Variants in SIPA1L1 observed in about 807,000 individuals in gnomAD.
The protein encoded by SIPA1L1 is signal induced proliferation associated 1 like 1, also known as signal-induced proliferation-associated 1-like protein 1.
In SIPA1L1, 26 loss-of-function variants were observed where a neutral mutation model predicts 162.7. That is an observed-to-expected ratio of 0.16 (90% CI 0.12 to 0.22). SIPA1L1 has a LOEUF of 0.22. Ranked by LOEUF, SIPA1L1 falls within the 10% of genes least tolerant of loss-of-function variation. The pLI, the probability that SIPA1L1 is intolerant of heterozygous loss-of-function variation, is 1.00. For missense variants in SIPA1L1, 1,874 were observed against 2,241.0 expected, an observed-to-expected ratio of 0.84 and a Z score of 3.31; for synonymous variants, 829 against 837.4, an observed-to-expected ratio of 0.99 and a Z score of 0.17.
At chr14:71,700,578 A>G (rs914764870) in intron 14 of SIPA1L1, among the ~76,000 whole-genome samples, 1 of 152,226 alleles carries the variant, frequency 6.6e-6, no homozygotes, top group Non-Finnish European at 1.5e-5. Flanking sequence ...GTTTTCATAA[A>G]TCAAGGTTTT....
chr14:71,564,777 C>T (rs2030003645), intron 4 of SIPA1L1, among the ~76,000 whole-genome samples: 1 of 152,182 alleles, frequency 6.6e-6, no homozygotes, highest in Admixed American at 6.5e-5. Flanking sequence ...GAGTGAGCCA[C>T]CACGCCCGGC....
intron 13 of SIPA1L1, among the ~76,000 whole-genome samples, chr14:71,693,368 G>A (rs529651551): frequency 1.3e-5 from 2 of 152,072 alleles, no homozygotes; most frequent in African/African-American, 4.8e-5. Context: ...GTGTGGTGGC[G>A]GGTGCCTGTA....
chr14:71,504,997 A>G lies in SIPA1L1; in HGVS notation c.-464-7746A>G, dbSNP rs796646298. Among the ~76,000 whole-genome samples, 105 of 152,292 alleles carry G rather than the reference A, an allele frequency of 6.9e-4. 1 individual carries two copies. The highest frequency in any genetic ancestry group is 2.5e-3 in the African/African-American group (103 of 41,566). On this transcript the variant is annotated intron_variant, in intron 2 of 23. Coordinates refer to ENST00000381232, the MANE Select transcript of SIPA1L1 (RefSeq NM_001386936.1). ...GCAATGAAAAGCCATGTTGTGCTTC[A>G]TGTAACCTGAGTTCTTGTGTTATGT... is the stretch of plus-strand genomic sequence containing the variant.
intron 2 of SIPA1L1, among the ~76,000 whole-genome samples, chr14:71,451,952 A>T (rs2045859452): frequency 1.3e-5 from 2 of 152,216 alleles, no homozygotes; most frequent in Admixed American, 1.3e-4. Flanking sequence ...TTCGTGAACA[A>T]AACACCACTC....
At chr14:71,509,035 G>T (rs1365055597) in intron 2 of SIPA1L1, among the ~76,000 whole-genome samples, 2 of 152,182 alleles carry the variant, frequency 1.3e-5, no homozygotes, top group Admixed American at 1.3e-4. Flanking sequence ...GCTTCTCCCA[G>T]AATCGGCTGA....
At chr14:71,457,509 A>G (rs777038720) in intron 2 of SIPA1L1, among the ~76,000 whole-genome samples, 11 of 151,486 alleles carry the variant, frequency 7.3e-5, no homozygotes, top group Non-Finnish European at 1.5e-4. Flanking sequence ...ATATTGGCCA[A>G]GCTGGTCTTG....
At chr14:71,473,969 G>C (rs1315951019) in intron 2 of SIPA1L1, among the ~76,000 whole-genome samples, 2 of 152,150 alleles carry the variant, frequency 1.3e-5, no homozygotes, top group East Asian at 3.8e-4. Context: ...GTCCTATTTT[G>C]AATGCAGCTA....
At chr14:71,435,421 C>G (rs547868103) in intron 2 of SIPA1L1, among the ~76,000 whole-genome samples, 1 of 152,030 alleles carries the variant, frequency 6.6e-6, no homozygotes, top group Non-Finnish European at 1.5e-5. Context: ...TGAGAACATG[C>G]GGTGTTTGGT....
chr14:71,644,901 A>G (rs1185691291), intron 7 of SIPA1L1, among the ~76,000 whole-genome samples: 1 of 152,144 alleles, frequency 6.6e-6, no homozygotes, highest in East Asian at 1.9e-4. Flanking sequence ...GAAAATAGTG[A>G]TTTTAGTTAG....
chr14:71,431,748 T>G (rs2044008244), intron 2 of SIPA1L1, among the ~76,000 whole-genome samples: 1 of 152,134 alleles, frequency 6.6e-6, no homozygotes, highest in Non-Finnish European at 1.5e-5. Flanking sequence ...TTGGACTTCA[T>G]AATCCTTAAC....
intron 4 of SIPA1L1, among the ~76,000 whole-genome samples, chr14:71,550,966 A>G (rs911438599): frequency 3.9e-5 from 6 of 151,956 alleles, no homozygotes; most frequent in Non-Finnish European, 7.4e-5. Context: ...TGCCCGGGTC[A>G]TTTCCCTTTC....
intron 6 of SIPA1L1, 51 bp from the exon 7 acceptor site, chr14:71,623,997 C>G (rs1203067132): frequency 6.7e-7 from 1 of 1,482,344 alleles, no homozygotes; most frequent in Non-Finnish European, 9.2e-7. Context: ...TACATGTGTT[C>G]AGGCATCTCA....
chr14:71,464,417 C>T (rs546146988), intron 2 of SIPA1L1, among the ~76,000 whole-genome samples: 79 of 152,230 alleles, frequency 5.2e-4, no homozygotes, highest in Non-Finnish European at 6.8e-4. Context: ...CCGAGGTGGG[C>T]GGATCACAAG....
chr14:71,499,530 T>C (rs1328504122), intron 2 of SIPA1L1, among the ~76,000 whole-genome samples: 1 of 152,200 alleles, frequency 6.6e-6, no homozygotes, highest in Admixed American at 6.5e-5. Flanking sequence ...AATTGTATCA[T>C]AATATGGTAA....
At chr14:71,681,712 A>G (rs938453929) in intron 12 of SIPA1L1, among the ~76,000 whole-genome samples, 17 of 152,316 alleles carry the variant, frequency 1.1e-4, no homozygotes, top group Admixed American at 3.3e-4. Flanking sequence ...ATCCTCAAAC[A>G]TAAAACTTTT....
intron 2 of SIPA1L1, among the ~76,000 whole-genome samples, chr14:71,415,040 A>G (rs2042661772): frequency 6.6e-6 from 1 of 152,214 alleles, no homozygotes; most frequent in East Asian, 1.9e-4. Context: ...ATGCTGAAAC[A>G]AAGACCTTGG....
intron 2 of SIPA1L1, among the ~76,000 whole-genome samples, chr14:71,430,337 T>C (rs1482386659): frequency 1.3e-5 from 2 of 152,248 alleles, no homozygotes; most frequent in Non-Finnish European, 2.9e-5. Context: ...GTAATACTTA[T>C]TTTATCAATA....
chr14:71,611,973 C>T lies in SIPA1L1; in HGVS notation c.1499-6784C>T, dbSNP rs530623700. Reference sequence around the variant, plus strand: ...GTGGCACACATGTAACCAACCAAGTCGACTATTTAAAAAAAAATAGTTTAA... The same window carrying T: ...GTGGCACACATGTAACCAACCAAGTTGACTATTTAAAAAAAAATAGTTTAA... On this transcript the variant is annotated intron_variant, in intron 5 of 23. Transcript: ENST00000381232. Among the ~76,000 whole-genome samples the T allele has an allele frequency of 1.1e-4, 17 of 151,858 alleles. No homozygotes were observed. In the South Asian group the frequency reaches 3.3e-3, roughly 30 times the overall value.
intron 2 of SIPA1L1, among the ~76,000 whole-genome samples, chr14:71,376,953 A>G (rs1416199169): frequency 6.6e-6 from 1 of 152,208 alleles, no homozygotes; most frequent in African/African-American, 2.4e-5. Context: ...AGACACAGTA[A>G]CAATCTGATC....
Sources: gnomAD v4.1 joint callset for allele counts (sites outside exome capture counted in the v4.1 genomes callset) on GRCh38, gnomAD v4.1.1 for gene constraint, MANE v1.5 for transcripts, NCBI Gene and HGNC (gene_info 2026-07-23, HGNC 2026-07-21) for gene names.